KLHL4: variants seen among roughly 807,000 people sequenced by gnomAD.
The protein encoded by KLHL4 is kelch like family member 4.
In KLHL4, 17 loss-of-function variants were observed where a neutral mutation model predicts 45.8. The ratio of observed to expected loss-of-function variants is 0.37; its 90% CI spans 0.25 to 0.56. The LOEUF is 0.56. Among genes scored for constraint, KLHL4 ranks in the 20% least tolerant of loss-of-function variants. The probability of loss-of-function intolerance (pLI) is 0.79; values close to 1 mark genes in which losing one functional copy is unlikely to be tolerated. For missense variants in KLHL4, 544 were observed against 544.9 expected (o/e 1.00, Z 0.02); for synonymous variants, 224 against 189.9 (o/e 1.18, Z -1.47).
intron 1 of KLHL4, among the ~76,000 whole-genome samples, chrX:87,541,257 G>C (rs906150392): frequency 4.6e-5 from 5 of 108,844 alleles, no homozygotes; most frequent in Admixed American, 9.9e-5. Context: ...GAGGCCGAGG[G>C]GGGTGGATCA....
intron 1 of KLHL4, among the ~76,000 whole-genome samples, chrX:87,613,183 A>C (rs1434059296): frequency 1.8e-5 from 2 of 111,915 alleles, no homozygotes; most frequent in African/African-American, 6.5e-5. Flanking sequence ...AAAATAATTA[A>C]GTGCATTCAT....
intron 1 of KLHL4, among the ~76,000 whole-genome samples, chrX:87,553,033 C>T (rs1028940928): frequency 5.4e-5 from 6 of 111,037 alleles, no homozygotes; most frequent in Non-Finnish European, 7.6e-5. Context: ...GCTTATTTCA[C>T]ATTGCATGCC....
chrX:87,530,188 G>T (rs1369485936), intron 1 of KLHL4, among the ~76,000 whole-genome samples: 2 of 110,715 alleles, frequency 1.8e-5, no homozygotes, highest in Non-Finnish European at 3.8e-5. Context: ...TAGACATGAA[G>T]TCCTTGCCCA....
At chrX:87,544,197 G>A (rs1281690965) in intron 1 of KLHL4, among the ~76,000 whole-genome samples, 1 of 111,423 alleles carries the variant, frequency 9.0e-6, no homozygotes, top group African/African-American at 3.3e-5. Flanking sequence ...ATACCTTGTG[G>A]CCAGGGGTAG....
At chrX:87,553,118 G>A (rs1433819349) in intron 1 of KLHL4, among the ~76,000 whole-genome samples, 2 of 110,075 alleles carry the variant, frequency 1.8e-5, no homozygotes, top group African/African-American at 6.6e-5. Flanking sequence ...AATAAATAAA[G>A]TAATATTAAA....
At chrX:87,651,585 T>C (rs1484839844) in intron 9 of KLHL4, among the ~76,000 whole-genome samples, 1 of 112,248 alleles carries the variant, frequency 8.9e-6, no homozygotes, top group African/African-American at 3.2e-5. Context: ...AAGTCCAAAA[T>C]CCAGCAGGGC....
chrX:87,618,892 A>C (rs772313037), intron 4 of KLHL4, among the ~76,000 whole-genome samples: 1 of 112,048 alleles, frequency 8.9e-6, no homozygotes, highest in South Asian at 3.7e-4. Context: ...AATGCAACTA[A>C]CTTAAAATCC....
intron 9 of KLHL4, among the ~76,000 whole-genome samples, chrX:87,648,893 A>C (rs1384202977): frequency 9.0e-6 from 1 of 111,348 alleles, no homozygotes; most frequent in Non-Finnish European, 1.9e-5. Context: ...GATGATACAT[A>C]TTTGATTGTA....
intron 9 of KLHL4, among the ~76,000 whole-genome samples, chrX:87,655,322 T>C (rs1923953398): frequency 8.9e-6 from 1 of 112,116 alleles, no homozygotes; most frequent in South Asian, 3.7e-4. Context: ...CATTGCTTCC[T>C]AGCTCTTTTC....
At chrX:87,589,709 C>CA (rs967123362) in intron 1 of KLHL4, among the ~76,000 whole-genome samples, 6 of 110,601 alleles carry the variant, frequency 5.4e-5, no homozygotes, top group Non-Finnish European at 7.6e-5. Flanking sequence ...TTAATGAGTA[C>CA]AAAAAAATAG....
chrX:87,625,403 T>C (rs1467919533), intron 5 of KLHL4, among the ~76,000 whole-genome samples: 2 of 111,893 alleles, frequency 1.8e-5, no homozygotes, highest in East Asian at 5.6e-4. Context: ...CTAATTTTTG[T>C]ATTTTTTTGT....
intron 9 of KLHL4, among the ~76,000 whole-genome samples, chrX:87,662,997 C>T (rs1924248621): frequency 9.9e-6 from 1 of 101,464 alleles, no homozygotes; most frequent in Non-Finnish European, 2.0e-5. Context: ...TCCTCATTTC[C>T]ATGTCTTGAA....
intron 10 of KLHL4, 80 bp from the exon 11 acceptor site, chrX:87,666,395 C>T: frequency 2.1e-6 from 2 of 946,137 alleles, no homozygotes. Context: ...AGGACTTCTT[C>T]AACTATATTG....
intron 9 of KLHL4, among the ~76,000 whole-genome samples, chrX:87,638,153 A>T (rs222088): frequency 1.8e-5 from 2 of 109,471 alleles, no homozygotes; most frequent in Non-Finnish European, 3.8e-5. Context: ...AAAGAAAAAA[A>T]TTATTTTAAA....
intron 1 of KLHL4, among the ~76,000 whole-genome samples, chrX:87,577,137 A>G (rs1569345479): frequency 8.9e-6 from 1 of 112,050 alleles, no homozygotes; most frequent in Non-Finnish European, 1.9e-5. Context: ...AGATTACAAC[A>G]TACAGATAAG....
In KLHL4 at chrX:87,615,771, T is replaced by TAA. The variant is rs200776424; in HGVS notation, c.727+1208_727+1209dup. Among the ~76,000 whole-genome samples, 2 of 110,487 alleles carry TAA rather than the reference T, an allele frequency of 1.8e-5. 1 individual carries two copies. The highest frequency in any genetic ancestry group is 6.6e-5 in the African/African-American group (2 of 30,510). On this transcript the variant is annotated intron_variant, in intron 3 of 10. Coordinates refer to ENST00000373119, the MANE Select transcript of KLHL4 (RefSeq NM_019117.5). ...TACCATTTACATTAAATGTACAAAA[T>TAA]AAAAAAAATTGTAGAGGCAGAAGAT... is the stretch of plus-strand genomic sequence containing the variant.
In KLHL4 at chrX:87,618,111, G is replaced by T. The variant is rs755301538; in HGVS notation, c.907G>T (p.Ala303Ser). 2 of 1,199,115 alleles carry T rather than the reference G, an allele frequency of 1.7e-6. No homozygotes were observed. The highest frequency in any genetic ancestry group is 2.2e-5 in the Admixed American group (1 of 45,315). The change falls in exon 4 of 11, where the codon GCA (alanine) becomes TCA (serine). Residue 303 changes from alanine to serine, a missense_variant. Transcript: ENST00000373119. ...AQGCTELLNV[A>S]HKYTMEHFIE... ...AGGCTGTACAGAACTTCTGAACGTG[G>T]CACACAAATACACTATGGTAAAATC...
Position 87,625,654 on chromosome X carries a change from T to C in KLHL4, c.1182T>C (p.Leu394=). 8.3e-7 allele frequency: 1 copy of C among 1,208,927 alleles called. No homozygotes were observed. Among genetic ancestry groups the C allele is most frequent in the South Asian group, 1.8e-5 (1 of 56,410 alleles). Residue 394 remains leucine (L), a synonymous_variant, in exon 6 of 11, where the codon CTT becomes CTC. Coordinates refer to ENST00000373119, the MANE Select transcript of KLHL4 (RefSeq NM_019117.5). ...LETSSMFTGD[L]ECQKLLMEAM... ...CCAGTTCCATGTTTACTGGTGATCT[T>C]GAGTGTCAGAAGCTCCTGATGGAAG...
At position 87,661,976 on chromosome X, in the gene KLHL4, T is replaced by C. The variant is rs187642930; in HGVS notation, c.1926-2788T>C. On this transcript the variant is annotated intron_variant, in intron 9 of 10. Coordinates refer to ENST00000373119, the MANE Select transcript of KLHL4 (RefSeq NM_019117.5). ...CAACCGCGTAGGGTACAAGATAAAA[T>C]GTGGTAATGCACTTACAACATTGCT... 4.4e-3 allele frequency among the ~76,000 whole-genome samples: 494 copies of C among 111,776 alleles called. 1 individual carries two copies. Among genetic ancestry groups the C allele is most frequent in the African/African-American group, 0.015 (474 of 30,875 alleles).
Sources: allele counts gnomAD v4.1 joint callset (sites outside exome capture counted in the v4.1 genomes callset), GRCh38; gene constraint gnomAD v4.1.1; transcripts MANE v1.5; gene names NCBI Gene and HGNC (gene_info 2026-07-23, HGNC 2026-07-21).